The following CECR2 variants were observed in gnomAD, a reference collection of about 807,000 sequenced individuals.
CECR2 encodes CECR2 histone acetyl-lysine reader, also known as chromatin remodeling regulator CECR2.
Under a neutral mutation model 154.5 loss-of-function variants are expected in CECR2, and 30 were observed. The ratio of observed to expected loss-of-function variants is 0.19; its 90% CI spans 0.15 to 0.26. CECR2 has a LOEUF of 0.26. Ranked by LOEUF, CECR2 falls within the 10% of genes least tolerant of loss-of-function variation. The probability of loss-of-function intolerance (pLI) is 1.00; values close to 1 mark genes in which losing one functional copy is unlikely to be tolerated. For synonymous variants in CECR2, 725 were observed against 683.7 expected (o/e 1.06, Z -0.94); for missense variants, 1,743 against 1,829.3 (o/e 0.95, Z 0.86).
At chr22:17,391,295 A>G (rs1000495874) in intron 1 of CECR2, among the ~76,000 whole-genome samples, 3 of 152,230 alleles carry the variant, frequency 2.0e-5, no homozygotes, top group Non-Finnish European at 2.9e-5. Flanking sequence ...GTTGGTTGGT[A>G]GGGGAATTGT....
At chr22:17,389,875 A>G (rs1601269905) in intron 1 of CECR2, among the ~76,000 whole-genome samples, 1 of 151,924 alleles carries the variant, frequency 6.6e-6, no homozygotes, top group South Asian at 2.1e-4. Context: ...TGATCCGCCC[A>G]CCTCGGCGTC....
At chr22:17,550,390 G>A (rs1202635253) in intron 17 of CECR2, 5 of 148,528 alleles carry the variant, frequency 3.4e-5, no homozygotes, top group African/African-American at 1.3e-4. Context: ...TTGCTGCCAT[G>A]TGGAGACACT....
chr22:17,401,578 T>C (rs1305799513), intron 1 of CECR2, among the ~76,000 whole-genome samples: 2 of 152,160 alleles, frequency 1.3e-5, no homozygotes, highest in Non-Finnish European at 2.9e-5. Flanking sequence ...TACGCTCTTT[T>C]GATGTTGTTC....
At chr22:17,484,136 T>A (rs1293992057) in intron 2 of CECR2, among the ~76,000 whole-genome samples, 1 of 152,182 alleles carries the variant, frequency 6.6e-6, no homozygotes, top group African/African-American at 2.4e-5. Flanking sequence ...AGCAACAGAA[T>A]CACCTAACCA....
chr22:17,511,839 A>T lies in CECR2; in HGVS notation c.897A>T (p.Ala299=), dbSNP rs369496060. The T allele has an allele frequency of 1.7e-5, 28 of 1,612,644 alleles. No individual in the cohort carries two copies. Among genetic ancestry groups the T allele is most frequent in the Admixed American group, 1.3e-4 (8 of 59,982 alleles). Reference sequence around the variant, plus strand: ...GAAAACGTCCACAGCGCACAAAGGCAGAGTTGCATCCTAGGTGGATGTCTG... The same window carrying T: ...GAAAACGTCCACAGCGCACAAAGGCTGAGTTGCATCCTAGGTGGATGTCTG... ...QKGKRPQRTK[A]ELHPRWMSDH... The change falls in exon 8 of 19, where the codon GCA becomes GCT. Residue 299 remains alanine (A), a synonymous_variant. Transcript: ENST00000262608.
Position 17,548,391 on chromosome 22 carries a change from C to T in CECR2, c.3104C>T (p.Ala1035Val). The T allele has an allele frequency of 6.2e-7, 1 of 1,613,446 alleles. No homozygotes were observed. The part of the protein sequence containing the change: ...WPSDSSYPGP[A>V]AQGCVRDLST... ...TCGGATAGCAGCTACCCCGGCCCAG[C>T]CGCCCAAGGGTGCGTGAGAGACCTC... The change falls in exon 17 of 19, where the codon GCC becomes GTC. Residue 1035 changes from alanine (A) to valine (V), a missense_variant. Transcript: ENST00000262608.
intron 2 of CECR2, among the ~76,000 whole-genome samples, chr22:17,495,567 T>G (rs1177422039): frequency 8.0e-6 from 1 of 124,810 alleles, no homozygotes; most frequent in African/African-American, 3.1e-5. Context: ...AAAACTCCAT[T>G]AAAAAAAAAA....
intron 10 of CECR2, among the ~76,000 whole-genome samples, chr22:17,537,716 A>G (rs2056458743): frequency 6.6e-6 from 1 of 152,174 alleles, no homozygotes; most frequent in Admixed American, 6.6e-5. Context: ...AAAATGTGCT[A>G]TAGGCCGGGC....
intron 16 of CECR2, 136 bp downstream of exon 16, chr22:17,543,139 T>G: frequency 9.2e-7 from 1 of 1,090,652 alleles, no homozygotes; most frequent in Non-Finnish European, 1.3e-6. Flanking sequence ...TTTTGTTCTG[T>G]TTTGTTTTTT....
chr22:17,360,334 C>T (rs1411123732), intron 1 of CECR2, among the ~76,000 whole-genome samples: 1 of 152,192 alleles, frequency 6.6e-6, no homozygotes, highest in Non-Finnish European at 1.5e-5. Context: ...CTCTGAATAA[C>T]CACTGTACTC....
chr22:17,372,835 A>G (rs1401275518), intron 1 of CECR2, among the ~76,000 whole-genome samples: 1 of 152,150 alleles, frequency 6.6e-6, no homozygotes, highest in East Asian at 1.9e-4. Flanking sequence ...TCAGGAAACC[A>G]GTTTTCAGCT....
intron 9 of CECR2, among the ~76,000 whole-genome samples, chr22:17,532,604 A>G (rs1394646843): frequency 1.3e-5 from 2 of 151,142 alleles, no homozygotes; most frequent in Admixed American, 6.6e-5. Context: ...GTATGTATAC[A>G]TATTTGAGGT....
At chr22:17,543,290 G>A (rs908500537) in intron 16 of CECR2, among the ~76,000 whole-genome samples, 2 of 151,354 alleles carry the variant, frequency 1.3e-5, no homozygotes, top group Non-Finnish European at 2.9e-5. Flanking sequence ...CCGCCACCAC[G>A]CCCGGCTAAT....
At chr22:17,497,757 G>C (rs5746420) in intron 3 of CECR2, among the ~76,000 whole-genome samples, 171 bp downstream of exon 3, 2 of 152,058 alleles carry the variant, frequency 1.3e-5, no homozygotes, top group African/African-American at 4.8e-5. Context: ...CTGTAGCCAC[G>C]GAGATGCAAG....
chr22:17,530,687 G>GA (rs79356386), intron 9 of CECR2, among the ~76,000 whole-genome samples: 5,782 of 138,538 alleles, frequency 0.042, 214 homozygotes, highest in African/African-American at 0.1. Context: ...CCTCAAAAAA[G>GA]AAAAAAAAAA....
chr22:17,494,271 TTTAC>T (rs1156358568), intron 2 of CECR2, among the ~76,000 whole-genome samples: 1 of 152,122 alleles, frequency 6.6e-6, no homozygotes, highest in Admixed American at 6.5e-5. Context: ...TAATTTTGTA[TTTAC>T]TTTAGTAGAG....
chr22:17,400,239 ATCT>A (rs1355185942), intron 1 of CECR2, among the ~76,000 whole-genome samples: 3 of 152,194 alleles, frequency 2.0e-5, no homozygotes, highest in Non-Finnish European at 4.4e-5. Context: ...TTTCAAAGTA[ATCT>A]TTAGGATTAC....
chr22:17,496,459 C>T (rs2055630082), intron 2 of CECR2, among the ~76,000 whole-genome samples: 1 of 150,236 alleles, frequency 6.7e-6, no homozygotes, highest in African/African-American at 2.5e-5. Flanking sequence ...GACATCGAGC[C>T]ACTGCACTCC....
intron 1 of CECR2, among the ~76,000 whole-genome samples, chr22:17,456,208 A>T (rs1057299302): frequency 6.6e-6 from 1 of 152,132 alleles, no homozygotes; most frequent in African/African-American, 2.4e-5. Context: ...CTAAAATGTT[A>T]TGTATAGTTG....
Sources: gnomAD v4.1 joint callset for allele counts (sites outside exome capture counted in the v4.1 genomes callset) on GRCh38, gnomAD v4.1.1 for gene constraint, MANE v1.5 for transcripts, NCBI Gene and HGNC (gene_info 2026-07-23, HGNC 2026-07-21) for gene names.